FAM185A: variants seen among roughly 807,000 people sequenced by gnomAD.
FAM185A encodes family with sequence similarity 185 member A.
FAM185A carries 21 observed loss-of-function variants against 45.7 expected under a neutral mutation model. The ratio of observed to expected loss-of-function variants is 0.46; its 90% CI spans 0.33 to 0.66. The LOEUF (loss-of-function observed/expected upper bound fraction) is 0.66. Among genes scored for constraint, FAM185A ranks in the 30% least tolerant of loss-of-function variants. The pLI is 0.03. For synonymous variants in FAM185A, 117 were observed against 194.0 expected (o/e 0.60, Z 3.30); for missense variants, 305 against 485.4 (o/e 0.63, Z 3.49).
chr7:102,768,349 C>G (rs1794536896), intron 4 of FAM185A, among the ~76,000 whole-genome samples: 1 of 147,768 alleles, frequency 6.8e-6, no homozygotes, highest in Non-Finnish European at 1.5e-5. Context: ...AATGCTTTTC[C>G]TAGCTTTTTA....
chr7:102,836,443 A>G, the FAM185A span, among the ~76,000 whole-genome samples: 3 of 152,324 alleles, frequency 2.0e-5, no homozygotes, highest in Admixed American at 2.0e-4. Context: ...TTTCCCCCCT[A>G]CAGATAAGAT....
At chr7:102,834,130 G>GA in the FAM185A span, among the ~76,000 whole-genome samples, 1 of 101,924 alleles carries the variant, frequency 9.8e-6, no homozygotes, top group African/African-American at 4.7e-5. Flanking sequence ...AAGAAAGAAA[G>GA]AAAGAAAGAA....
the FAM185A span, among the ~76,000 whole-genome samples, chr7:102,819,168 CCT>C: frequency 6.6e-6 from 1 of 152,128 alleles, no homozygotes; most frequent in East Asian, 1.9e-4. Flanking sequence ...GGTCTTTCTT[CCT>C]CTCTCTCACT....
chr7:102,780,874 C>T (rs1012519465), intron 6 of FAM185A, among the ~76,000 whole-genome samples: 7 of 152,148 alleles, frequency 4.6e-5, no homozygotes, highest in South Asian at 4.1e-4. Context: ...TCACCTCACC[C>T]GGGAAGCGCA....
At chr7:102,843,303 C>T in the FAM185A span, among the ~76,000 whole-genome samples, 16 of 151,888 alleles carry the variant, frequency 1.1e-4, no homozygotes, top group Admixed American at 3.9e-4. Context: ...ATTACCTGGG[C>T]GTGGTGGCGC....
At chr7:102,822,271 C>T in the FAM185A span, 1 of 1,446,502 alleles carries the variant, frequency 6.9e-7, no homozygotes. Context: ...GTGCCTTAGT[C>T]ACTTTGGGCA....
At chr7:102,769,806 G>C (rs1794642118) in intron 4 of FAM185A, among the ~76,000 whole-genome samples, 1 of 151,130 alleles carries the variant, frequency 6.6e-6, no homozygotes, top group African/African-American at 2.4e-5. Context: ...CATGGAGAGA[G>C]GCTGCATGAG....
At chr7:102,762,700 T>C (rs1403827136) in intron 4 of FAM185A, among the ~76,000 whole-genome samples, 2 of 152,110 alleles carry the variant, frequency 1.3e-5, no homozygotes, top group East Asian at 1.9e-4. Context: ...AGCATACTTA[T>C]ATGCTTGAAA....
chr7:102,774,879 G>A (rs554822899), intron 5 of FAM185A, among the ~76,000 whole-genome samples: 48 of 152,204 alleles, frequency 3.2e-4, no homozygotes, highest in African/African-American at 1.2e-3. Flanking sequence ...GGAATTACAG[G>A]CATAAGCCAC....
At chr7:102,799,549 A>G (rs1324029476) in intron 7 of FAM185A, among the ~76,000 whole-genome samples, 1 of 152,236 alleles carries the variant, frequency 6.6e-6, no homozygotes, top group African/African-American at 2.4e-5. Flanking sequence ...GAGGAAGAGG[A>G]TCATTCTGTA....
At chr7:102,791,515 T>C (rs1796138650) in intron 7 of FAM185A, among the ~76,000 whole-genome samples, 1 of 152,212 alleles carries the variant, frequency 6.6e-6, no homozygotes, top group African/African-American at 2.4e-5. Context: ...TGTGTGTTAC[T>C]TGTTATTATG....
chr7:102,796,904 A>G (rs1422827651), intron 7 of FAM185A, among the ~76,000 whole-genome samples: 1 of 152,210 alleles, frequency 6.6e-6, no homozygotes, highest in African/African-American at 2.4e-5. Context: ...TGAAAAATAC[A>G]ATGGATGAGA....
chr7:102,841,814 T>C, the FAM185A span, among the ~76,000 whole-genome samples: 4 of 152,178 alleles, frequency 2.6e-5, no homozygotes, highest in Non-Finnish European at 5.9e-5. Flanking sequence ...CAGGAGTATG[T>C]TGTTCTATTA....
At chr7:102,786,347 T>C (rs1795795071) in intron 6 of FAM185A, among the ~76,000 whole-genome samples, 2 of 152,172 alleles carry the variant, frequency 1.3e-5, no homozygotes, top group African/African-American at 4.8e-5. Context: ...ACCCAAAGGA[T>C]TATAAATCAT....
At chr7:102,789,645 G>A (rs538113585) in intron 7 of FAM185A, among the ~76,000 whole-genome samples, 20 of 152,392 alleles carry the variant, frequency 1.3e-4, no homozygotes, top group African/African-American at 4.1e-4. Flanking sequence ...GGAGGCAGAG[G>A]GTGCAATGAG....
intron 2 of FAM185A, among the ~76,000 whole-genome samples, chr7:102,754,742 A>G (rs2129432297): frequency 6.6e-6 from 1 of 152,366 alleles, no homozygotes; most frequent in African/African-American, 2.4e-5. Flanking sequence ...GACAAAACAT[A>G]TGGTAAGACC....
At chr7:102,839,563 G>A in the FAM185A span, among the ~76,000 whole-genome samples, 1 of 152,048 alleles carries the variant, frequency 6.6e-6, no homozygotes, top group Non-Finnish European at 1.5e-5. Context: ...AGAGATTCTC[G>A]TTCCTCAGCC....
chr7:102,810,613 A>T (rs186116676), downstream of FAM185A, among the ~76,000 whole-genome samples: 33 of 151,800 alleles, frequency 2.2e-4, no homozygotes, highest in African/African-American at 7.5e-4. Flanking sequence ...TCTTTTTTTC[A>T]GACGAGGTCT....
At chr7:102,751,306 T>C (rs1793347816) in intron 1 of FAM185A, among the ~76,000 whole-genome samples, 2 of 152,216 alleles carry the variant, frequency 1.3e-5, no homozygotes, top group Admixed American at 6.5e-5. Context: ...TATAGTTGCA[T>C]GGTAATATTT....
Sources: allele counts gnomAD v4.1 joint callset (sites outside exome capture counted in the v4.1 genomes callset), GRCh38; gene constraint gnomAD v4.1.1; transcripts MANE v1.5; gene names NCBI Gene and HGNC (gene_info 2026-07-23, HGNC 2026-07-21).